Variants in PPP1R1C observed in about 807,000 individuals in gnomAD.
PPP1R1C encodes protein phosphatase 1 regulatory subunit 1C.
In PPP1R1C, 15 loss-of-function variants were observed where a neutral mutation model predicts 17.4. That is an observed-to-expected ratio of 0.86 (90% CI 0.58 to 1.33). PPP1R1C has a LOEUF of 1.33. Ranked by LOEUF, PPP1R1C falls within the 40% of genes most tolerant of loss-of-function variation. PPP1R1C has a pLI of 0.00. For missense variants in PPP1R1C, 143 were observed against 130.0 expected, an observed-to-expected ratio of 1.10 and a Z score of -0.48; for synonymous variants, 35 against 43.1, an observed-to-expected ratio of 0.81 and a Z score of 0.73.
At chr2:182,094,775 C>G (rs938181638) in intron 4 of PPP1R1C, among the ~76,000 whole-genome samples, 2 of 152,138 alleles carry the variant, frequency 1.3e-5, no homozygotes, top group African/African-American at 4.8e-5. Flanking sequence ...ATATATAACT[C>G]CCACATGCTT....
At chr2:181,991,696 G>T (rs1369887285) in intron 2 of PPP1R1C, among the ~76,000 whole-genome samples, 1 of 152,158 alleles carries the variant, frequency 6.6e-6, no homozygotes, top group Non-Finnish European at 1.5e-5. Flanking sequence ...CTACCAACAT[G>T]AGTGACCTTT....
chr2:182,044,900 C>T (rs1051607139), intron 2 of PPP1R1C, among the ~76,000 whole-genome samples: 3 of 152,132 alleles, frequency 2.0e-5, no homozygotes, highest in African/African-American at 7.2e-5. Flanking sequence ...TCTCTTTTAT[C>T]ACCATTATGA....
chr2:182,114,724 A>C (rs556351112), intron 4 of PPP1R1C, among the ~76,000 whole-genome samples: 70 of 152,306 alleles, frequency 4.6e-4, no homozygotes, highest in African/African-American at 1.4e-3. Flanking sequence ...CTGCCTCATC[A>C]AAATGTTTCA....
At chr2:182,041,431 A>C (rs1687178417) in intron 2 of PPP1R1C, among the ~76,000 whole-genome samples, 1 of 152,016 alleles carries the variant, frequency 6.6e-6, no homozygotes, top group Non-Finnish European at 1.5e-5. Flanking sequence ...CAACATGGTA[A>C]AACTCTATCT....
chr2:182,128,534 G>A (rs1455013166), intron 5 of PPP1R1C, among the ~76,000 whole-genome samples: 2 of 152,100 alleles, frequency 1.3e-5, no homozygotes, highest in Admixed American at 6.6e-5. Flanking sequence ...GCAGTATTAT[G>A]AGAATATGGG....
At chr2:182,060,993 A>G (rs927593441) in intron 2 of PPP1R1C, among the ~76,000 whole-genome samples, 16 of 152,168 alleles carry the variant, frequency 1.1e-4, no homozygotes, top group African/African-American at 3.6e-4. Context: ...TAGAGAGGAT[A>G]CTGCCTTCCT....
At chr2:181,987,735 G>C in intron 1 of PPP1R1C, 104 bp from the exon 2 acceptor site, 1 of 1,161,416 alleles carries the variant, frequency 8.6e-7, no homozygotes, top group Non-Finnish European at 1.2e-6. Context: ...ATTTGCTTTT[G>C]CATGTGGGGA....
rs558532682 is a variant in PPP1R1C at position 182,072,311 on chromosome 2, G to A, written c.241+8520G>A. Among the ~76,000 whole-genome samples the A allele has an allele frequency of 1.5e-3, 231 of 152,222 alleles. 1 individual carries two copies. Among genetic ancestry groups the A allele is most frequent in the South Asian group, 5.0e-3 (24 of 4,826 alleles). On this transcript the variant is annotated intron_variant, in intron 4 of 4. Coordinates refer to ENST00000682840, the MANE Select transcript of PPP1R1C (RefSeq NM_001080545.3). ...ATTTGTATTATCCCTTTATAAATGT[G>A]GAATTAATAATAGACTGGCAGCCTT... is the stretch of plus-strand genomic sequence containing the variant.
At chr2:182,041,057 T>C (rs756464514) in intron 2 of PPP1R1C, among the ~76,000 whole-genome samples, 1 of 152,186 alleles carries the variant, frequency 6.6e-6, no homozygotes, top group African/African-American at 2.4e-5. Context: ...GCTATAGCCT[T>C]GTAGAATAAT....
At chr2:182,030,390 T>C (rs374877102) in intron 2 of PPP1R1C, among the ~76,000 whole-genome samples, 71 of 151,902 alleles carry the variant, frequency 4.7e-4, no homozygotes, top group African/African-American at 1.5e-3. Context: ...GATGGGTTTT[T>C]GGTGTGGATG....
In PPP1R1C at chr2:181,997,424, G is replaced by T. The variant is rs111930038; in HGVS notation, c.142+9525G>T. On this transcript the variant is annotated intron_variant, in intron 2 of 4. Coordinates refer to ENST00000682840, the MANE Select transcript of PPP1R1C (RefSeq NM_001080545.3). ...AAAAGAGGCCTGAACCTGCCAAAGT[G>T]TCTTGAAAAGCTTTGAAAATTCAGG... Among the ~76,000 whole-genome samples the T allele has an allele frequency of 6.0e-4, 92 of 152,206 alleles. 2 individuals carry two copies. Among genetic ancestry groups the T allele is most frequent in the African/African-American group, 2.1e-3 (89 of 41,532 alleles).
intron 5 of PPP1R1C, among the ~76,000 whole-genome samples, chr2:182,124,267 A>G (rs1689810029): frequency 7.5e-6 from 1 of 132,876 alleles, no homozygotes; most frequent in East Asian, 2.2e-4. Context: ...CCTTTGTAGT[A>G]TAGTTTGAAG....
intron 2 of PPP1R1C, among the ~76,000 whole-genome samples, chr2:182,008,256 G>C (rs1685988487): frequency 6.6e-6 from 1 of 152,122 alleles, no homozygotes; most frequent in Admixed American, 6.6e-5. Context: ...GAGAGGGACA[G>C]ACTCAATAGT....
downstream of PPP1R1C, among the ~76,000 whole-genome samples, chr2:182,122,182 T>G (rs1689749040): frequency 6.6e-6 from 1 of 151,862 alleles, no homozygotes; most frequent in East Asian, 1.9e-4. Flanking sequence ...TTGTAACCCT[T>G]TATTCTTCCC....
intron 4 of PPP1R1C, among the ~76,000 whole-genome samples, chr2:182,073,343 G>T (rs1688194957): frequency 6.6e-6 from 1 of 152,198 alleles, no homozygotes; most frequent in African/African-American, 2.4e-5. Context: ...AGTCAATGGT[G>T]AATCAGTGAG....
At chr2:182,120,157 A>G (rs1366857477), downstream of PPP1R1C, among the ~76,000 whole-genome samples, 1 of 152,216 alleles carries the variant, frequency 6.6e-6, no homozygotes, top group Non-Finnish European at 1.5e-5. Flanking sequence ...CATTTATTAA[A>G]TAAGGAATCC....
chr2:182,129,282 C>T (rs1689948780), exon 6 of PPP1R1C: 1 of 152,118 alleles, frequency 6.6e-6, no homozygotes, highest in Non-Finnish European at 1.5e-5. Context: ...AGTTTAGGTA[C>T]ATTTTAAGTG....
At position 182,123,392 on chromosome 2, in the gene PPP1R1C, G is replaced by C. The variant is rs571614402; in HGVS notation, c.*7-5582G>C. Reference sequence around the variant, plus strand: ...CAGAAATGGAATTGCTGGGTCAAATGGTATTTCTGGTTCTAGATCCTTGAG... The same window carrying C: ...CAGAAATGGAATTGCTGGGTCAAATCGTATTTCTGGTTCTAGATCCTTGAG... On this transcript the variant is annotated intron_variant, in intron 5 of 5. Transcript: ENST00000280295. Among the ~76,000 whole-genome samples the C allele has an allele frequency of 9.3e-4, 142 of 152,238 alleles. 1 individual carries two copies. The highest frequency in any genetic ancestry group is 3.1e-3 in the Admixed American group (47 of 15,294).
At chr2:182,116,924 A>T (rs1337134615) in intron 4 of PPP1R1C, among the ~76,000 whole-genome samples, 1 of 152,180 alleles carries the variant, frequency 6.6e-6, no homozygotes, top group Non-Finnish European at 1.5e-5. Context: ...ATCTGTGAGC[A>T]GATTTTTAGT....
Sources: gnomAD v4.1 joint callset for allele counts (sites outside exome capture counted in the v4.1 genomes callset) on GRCh38, gnomAD v4.1.1 for gene constraint, MANE v1.5 for transcripts, NCBI Gene and HGNC (gene_info 2026-07-23, HGNC 2026-07-21) for gene names.